Variants in PCDH9 observed in about 807,000 individuals in gnomAD.
The protein encoded by PCDH9 is protocadherin 9, also known as protocadherin-9.
A neutral mutation model predicts 70.6 loss-of-function variants in PCDH9; 24 were observed. The ratio of observed to expected loss-of-function variants is 0.34; its 90% CI spans 0.25 to 0.48. The LOEUF (loss-of-function observed/expected upper bound fraction) is 0.48, where lower values mean the gene tolerates loss of function less well. Among genes scored for constraint, PCDH9 ranks in the 20% least tolerant of loss-of-function variants. The probability of loss-of-function intolerance (pLI) is 0.99; values close to 1 mark genes in which losing one functional copy is unlikely to be tolerated. For missense variants in PCDH9, 1,281 were observed against 1,503.6 expected (o/e 0.85, Z 2.45); for synonymous variants, 562 against 558.5 (o/e 1.01, Z -0.09).
chr13:67,070,915 G>C (rs946757661), intron 2 of PCDH9, among the ~76,000 whole-genome samples: 1 of 152,072 alleles, frequency 6.6e-6, no homozygotes, highest in Non-Finnish European at 1.5e-5. Context: ...AGTAAGTCTG[G>C]AGCAGTTGTC....
intron 4 of PCDH9, among the ~76,000 whole-genome samples, chr13:66,511,861 C>A (rs867079891): frequency 6.6e-6 from 1 of 152,100 alleles, no homozygotes; most frequent in Admixed American, 6.5e-5. Context: ...AGCTGCTATG[C>A]TTCCTGTGCA....
At chr13:66,779,866 T>TATATATATATATAC (rs1336725254) in intron 3 of PCDH9, among the ~76,000 whole-genome samples, 31 of 71,730 alleles carry the variant, frequency 4.3e-4, no homozygotes, top group African/African-American at 1.2e-3. Context: ...TATATATATA[T>TATATATATATATAC]ACATATATGT....
At chr13:66,986,972 T>A (rs1160256599) in intron 2 of PCDH9, among the ~76,000 whole-genome samples, 1 of 151,970 alleles carries the variant, frequency 6.6e-6, no homozygotes, top group Non-Finnish European at 1.5e-5. Context: ...TTATGATATA[T>A]TACCTATATC....
chr13:66,493,237 A>C (rs1959060872), intron 4 of PCDH9, among the ~76,000 whole-genome samples: 1 of 152,118 alleles, frequency 6.6e-6, no homozygotes, highest in South Asian at 2.1e-4. Flanking sequence ...ATTTTATGTC[A>C]GTGTGGCAAA....
At chr13:66,516,434 T>A (rs1225213517) in intron 4 of PCDH9, among the ~76,000 whole-genome samples, 1 of 152,086 alleles carries the variant, frequency 6.6e-6, no homozygotes, top group Non-Finnish European at 1.5e-5. Context: ...AAGCCTTTGA[T>A]ATCTGCACTC....
chr13:66,838,829 C>A (rs1026386748), intron 3 of PCDH9, among the ~76,000 whole-genome samples: 3 of 151,864 alleles, frequency 2.0e-5, no homozygotes, highest in Non-Finnish European at 4.4e-5. Flanking sequence ...ATGTATGATG[C>A]ACTAATCTCT....
At chr13:67,154,771 C>G (rs1307946413) in intron 2 of PCDH9, among the ~76,000 whole-genome samples, 1 of 145,602 alleles carries the variant, frequency 6.9e-6, no homozygotes, top group Admixed American at 6.9e-5. Flanking sequence ...GTGGCAAGAT[C>G]TTGGCTCACT....
chr13:67,175,885 T>A (rs2088437491), intron 2 of PCDH9, among the ~76,000 whole-genome samples: 1 of 152,032 alleles, frequency 6.6e-6, no homozygotes, highest in South Asian at 2.1e-4. Flanking sequence ...ACATAGAGAA[T>A]GTGTCTAATA....
At chr13:66,870,767 G>A (rs1174480185) in intron 3 of PCDH9, among the ~76,000 whole-genome samples, 1 of 152,144 alleles carries the variant, frequency 6.6e-6, no homozygotes, top group Non-Finnish European at 1.5e-5. Context: ...TGGAGAAATA[G>A]GAACACTTTG....
intron 2 of PCDH9, among the ~76,000 whole-genome samples, chr13:67,054,877 G>A (rs377613661): frequency 9.2e-5 from 14 of 152,176 alleles, no homozygotes; most frequent in African/African-American, 3.4e-4. Context: ...GCAATGAATG[G>A]TCCAAAAAAT....
Position 66,980,730 on chromosome 13 carries a change from G to GTTTTTTTTTTTTTTTTTTTTTTTTTTTTT in PCDH9, c.3037-77126_3037-77125insAAAAAAAAAAAAAAAAAAAAAAAAAAAAA. Among the ~76,000 whole-genome samples the GTTTTTTTTTTTTTTTTTTTTTTTTTTTTT allele has an allele frequency of 2.7e-4, 19 of 70,888 alleles. 1 individual carries two copies. The highest frequency in any genetic ancestry group is 7.4e-4 in the Admixed American group (4 of 5,382). The allele number at this position is 70,888 out of a possible 152,430, so 46.5% of individuals were successfully genotyped here. A position where few individuals can be genotyped will look rare whatever the true frequency, so the allele number is the denominator to read the frequency against. On this transcript the variant is annotated intron_variant, in intron 2 of 4. Coordinates refer to ENST00000377865, the MANE Select transcript of PCDH9 (RefSeq NM_203487.3). ...TTTGTTTTTTCCTGTTTTTTTCTTT[G>GTTTTTTTTTTTTTTTTTTTTTTTTTTTTT]TTTTTTTTTTTGTTTTTTTTTTTAC...
intron 4 of PCDH9, among the ~76,000 whole-genome samples, chr13:66,558,499 AG>A (rs1846707333): frequency 6.6e-6 from 1 of 152,084 alleles, no homozygotes; most frequent in South Asian, 2.1e-4. Context: ...CAAAGTACAC[AG>A]AAAAATATTT....
chr13:66,323,441 T>C (rs1422811852), intron 4 of PCDH9: 1 of 151,976 alleles, frequency 6.6e-6, no homozygotes, highest in Admixed American at 6.6e-5. Flanking sequence ...AATAAAAATA[T>C]ATGTATATGT....
intron 3 of PCDH9, among the ~76,000 whole-genome samples, chr13:66,667,430 C>T: frequency 6.6e-6 from 1 of 151,942 alleles, no homozygotes; most frequent in African/African-American, 2.4e-5. Context: ...ATTTTATTTC[C>T]TTATTTTTTT....
intron 3 of PCDH9, among the ~76,000 whole-genome samples, chr13:66,672,612 A>G (rs2078191294): frequency 6.6e-6 from 1 of 152,180 alleles, no homozygotes; most frequent in Admixed American, 6.5e-5. Flanking sequence ...ATGTGCCTGG[A>G]AAAGCTGCAC....
chr13:66,668,702 A>T (rs73198524), intron 3 of PCDH9, among the ~76,000 whole-genome samples: 3,063 of 152,278 alleles, frequency 0.02, 51 homozygotes, highest in Non-Finnish European at 0.034. Flanking sequence ...CATCAGTGAA[A>T]ATTTGGGGAG....
At chr13:66,910,328 T>C (rs2082439330) in intron 2 of PCDH9, among the ~76,000 whole-genome samples, 2 of 151,882 alleles carry the variant, frequency 1.3e-5, no homozygotes. Context: ...AATAGACCAG[T>C]TGGCTTCCCT....
chr13:66,980,951 A>G (rs1195746306), intron 2 of PCDH9, among the ~76,000 whole-genome samples: 1 of 152,082 alleles, frequency 6.6e-6, no homozygotes, highest in African/African-American at 2.4e-5. Flanking sequence ...TTTATAAGCT[A>G]TATTCATTTT....
At chr13:67,012,076 C>T (rs2084462152) in intron 2 of PCDH9, among the ~76,000 whole-genome samples, 1 of 151,852 alleles carries the variant, frequency 6.6e-6, no homozygotes, top group Admixed American at 6.6e-5. Flanking sequence ...CACTTGCTTC[C>T]TGCCTTCCTT....
Sources: gnomAD v4.1 joint callset for allele counts (sites outside exome capture counted in the v4.1 genomes callset) on GRCh38, gnomAD v4.1.1 for gene constraint, MANE v1.5 for transcripts, NCBI Gene and HGNC (gene_info 2026-07-23, HGNC 2026-07-21) for gene names.